ADGRB3: variants seen among roughly 807,000 people sequenced by gnomAD.
ADGRB3 encodes brain-specific angiogenesis inhibitor 3.
In ADGRB3, 37 loss-of-function variants were observed where a neutral mutation model predicts 193.4. The ratio of observed to expected loss-of-function variants is 0.19; its 90% CI spans 0.15 to 0.25. The LOEUF (loss-of-function observed/expected upper bound fraction) is 0.25. Among genes scored for constraint, ADGRB3 ranks in the 10% least tolerant of loss-of-function variants. The pLI, the probability that ADGRB3 is intolerant of heterozygous loss-of-function variation, is 1.00. For synonymous variants in ADGRB3, 690 were observed against 644.2 expected, an observed-to-expected ratio of 1.07 and a Z score of -1.08; for missense variants, 1,637 against 1,852.9, an observed-to-expected ratio of 0.88 and a Z score of 2.14.
At chr6:68,948,009 A>T (rs1207555100) in intron 6 of ADGRB3, among the ~76,000 whole-genome samples, 1 of 152,118 alleles carries the variant, frequency 6.6e-6, no homozygotes, top group African/African-American at 2.4e-5. Context: ...GATTTGGCAG[A>T]GGGTTTAAGG....
intron 3 of ADGRB3, among the ~76,000 whole-genome samples, chr6:68,896,017 T>C (rs1034324992): frequency 1.3e-5 from 2 of 152,148 alleles, no homozygotes; most frequent in East Asian, 3.9e-4. Flanking sequence ...AATTAAAATT[T>C]TGATAAGAAC....
intron 3 of ADGRB3, among the ~76,000 whole-genome samples, chr6:68,897,826 AG>A (rs1766279698): frequency 6.7e-6 from 1 of 149,382 alleles, no homozygotes; most frequent in African/African-American, 2.5e-5. Context: ...AAAGGAAGGA[AG>A]GAGAGAAAAA....
intron 24 of ADGRB3, among the ~76,000 whole-genome samples, chr6:69,333,529 T>C (rs1425782877): frequency 6.6e-6 from 1 of 152,148 alleles, no homozygotes; most frequent in Non-Finnish European, 1.5e-5. Context: ...ATGACATTTT[T>C]AATCTAACTG....
At chr6:68,876,889 AT>A (rs748912111) in intron 3 of ADGRB3, among the ~76,000 whole-genome samples, 1 of 151,666 alleles carries the variant, frequency 6.6e-6, no homozygotes, top group Non-Finnish European at 1.5e-5. Context: ...GCTCTTACTG[AT>A]TTTTTTCAAA....
intron 8 of ADGRB3, 122 bp from the exon 9 acceptor site, chr6:68,974,641 A>G (rs1457324967): frequency 1.4e-6 from 1 of 714,746 alleles, no homozygotes; most frequent in Non-Finnish European, 2.3e-6. Flanking sequence ...TCTCTAAAAA[A>G]AAGAAAGAAA....
At chr6:69,296,740 C>A (rs1767827398) in intron 20 of ADGRB3, among the ~76,000 whole-genome samples, 1 of 152,048 alleles carries the variant, frequency 6.6e-6, no homozygotes, top group South Asian at 2.1e-4. Context: ...CATACCATGT[C>A]TATGAGGGAG....
At chr6:68,902,431 T>C (rs1766421876) in intron 3 of ADGRB3, among the ~76,000 whole-genome samples, 2 of 152,124 alleles carry the variant, frequency 1.3e-5, no homozygotes, top group Non-Finnish European at 2.9e-5. Flanking sequence ...GACTAGAAAC[T>C]GATTTCTTCA....
At chr6:69,334,791 G>T (rs1425728630) in intron 24 of ADGRB3, among the ~76,000 whole-genome samples, 1 of 152,124 alleles carries the variant, frequency 6.6e-6, no homozygotes, top group Non-Finnish European at 1.5e-5. Context: ...CTCTTTAGTG[G>T]TTAAGATGAA....
At chr6:69,031,525 C>CT (rs780766123) in intron 13 of ADGRB3, among the ~76,000 whole-genome samples, 1 of 49,912 alleles carries the variant, frequency 2.0e-5, no homozygotes, top group Non-Finnish European at 4.6e-5. Context: ...TTGTCTCTTT[C>CT]TTTCTTTCTT....
intron 3 of ADGRB3, among the ~76,000 whole-genome samples, chr6:68,858,290 G>A (rs1188969257): frequency 6.6e-6 from 1 of 152,060 alleles, no homozygotes; most frequent in African/African-American, 2.4e-5. Context: ...GGATCACAAG[G>A]TCAGGAGTTC....
chr6:69,138,084 C>A (rs1277435625), intron 17 of ADGRB3, among the ~76,000 whole-genome samples: 1 of 152,184 alleles, frequency 6.6e-6, no homozygotes, highest in Non-Finnish European at 1.5e-5. Flanking sequence ...CGGTACCCAT[C>A]ATTTCCATGG....
intron 17 of ADGRB3, among the ~76,000 whole-genome samples, chr6:69,129,243 T>C (rs1309786520): frequency 6.6e-6 from 1 of 152,104 alleles, no homozygotes; most frequent in Non-Finnish European, 1.5e-5. Flanking sequence ...CTTCAGCTAC[T>C]CACTAGTAGA....
intron 3 of ADGRB3, among the ~76,000 whole-genome samples, chr6:68,695,172 C>T (rs1431782100): frequency 6.6e-6 from 1 of 151,862 alleles, no homozygotes; most frequent in Non-Finnish European, 1.5e-5. Flanking sequence ...TATGAGATAG[C>T]ACAGATAGCT....
chr6:68,761,216 G>A (rs1293799070), intron 3 of ADGRB3, among the ~76,000 whole-genome samples: 1 of 152,196 alleles, frequency 6.6e-6, no homozygotes. Context: ...AAGTCTCCAG[G>A]TGAAAGGCAA....
intron 3 of ADGRB3, among the ~76,000 whole-genome samples, chr6:68,867,154 A>G (rs1266522209): frequency 6.6e-6 from 1 of 152,176 alleles, no homozygotes; most frequent in Non-Finnish European, 1.5e-5. Flanking sequence ...TTCCCATCAC[A>G]GACCTGGAGG....
chr6:69,370,950 A>G (rs1367335133), intron 29 of ADGRB3, among the ~76,000 whole-genome samples: 2 of 152,058 alleles, frequency 1.3e-5, no homozygotes, highest in Non-Finnish European at 2.9e-5. Context: ...TTAGATAACA[A>G]TAGTGGCGGG....
chr6:68,642,727 C>G (rs1225301807), intron 3 of ADGRB3, among the ~76,000 whole-genome samples: 1 of 120,660 alleles, frequency 8.3e-6, no homozygotes, highest in Non-Finnish European at 1.7e-5. Flanking sequence ...CAAAATGAAG[C>G]CTTTTTTTTT....
chr6:69,043,334 G>GAT (rs1771141425), intron 13 of ADGRB3, among the ~76,000 whole-genome samples: 2 of 110,048 alleles, frequency 1.8e-5, no homozygotes, highest in African/African-American at 6.4e-5. Flanking sequence ...GAAAGAAAGA[G>GAT]AAAGAAAAGA....
chr6:69,156,292 G>T (rs2050918), intron 17 of ADGRB3, among the ~76,000 whole-genome samples: 1 of 152,050 alleles, frequency 6.6e-6, no homozygotes, highest in East Asian at 1.9e-4. Flanking sequence ...ATGACTGTGT[G>T]AGCAGGGAGG....
Sources: allele counts gnomAD v4.1 joint callset (sites outside exome capture counted in the v4.1 genomes callset), GRCh38; gene constraint gnomAD v4.1.1; transcripts MANE v1.5; gene names NCBI Gene and HGNC (gene_info 2026-07-23, HGNC 2026-07-21).